DNM3: variants seen among roughly 807,000 people sequenced by gnomAD.
DNM3 encodes the protein dynamin 3, also known as dynamin-3.
Under a neutral mutation model 101.6 loss-of-function variants are expected in DNM3, and 47 were observed. That is an observed-to-expected ratio of 0.46 (90% CI 0.37 to 0.59). DNM3 has a LOEUF of 0.59. DNM3 is among the 20% of genes least tolerant of loss of function. The probability of loss-of-function intolerance (pLI) is 0.00; values close to 1 mark genes in which losing one functional copy is unlikely to be tolerated. For missense variants in DNM3, 849 were observed against 1,085.7 expected (o/e 0.78, Z 3.06); for synonymous variants, 385 against 387.9 (o/e 0.99, Z 0.09).
intron 14 of DNM3, chr1:172,144,699 C>T: frequency 2.0e-6 from 1 of 490,502 alleles, no homozygotes; most frequent in East Asian, 5.7e-5. Flanking sequence ...CTTCCTGCAC[C>T]AGGGGTTGCA....
chr1:171,882,343 CAAA>C (rs3051601), intron 1 of DNM3, among the ~76,000 whole-genome samples: 1 of 110,506 alleles, frequency 9.0e-6, no homozygotes, highest in Non-Finnish European at 1.8e-5. Flanking sequence ...AACTCCGTCT[CAAA>C]AAAAAAAAAA....
intron 14 of DNM3, among the ~76,000 whole-genome samples, chr1:172,211,474 C>G (rs754034545): frequency 2.6e-5 from 4 of 152,110 alleles, no homozygotes; most frequent in Admixed American, 1.3e-4. Context: ...GCGTGAACTT[C>G]TTAATGCATT....
chr1:171,943,263 A>G (rs12095081), intron 2 of DNM3, among the ~76,000 whole-genome samples: 26,857 of 152,116 alleles, frequency 0.18, 3,396 homozygotes, highest in African/African-American at 0.34. Context: ...CAAAAATAAA[A>G]TTCTAAGCCC....
At chr1:171,882,893 T>G (rs921266877) in intron 1 of DNM3, among the ~76,000 whole-genome samples, 2 of 152,068 alleles carry the variant, frequency 1.3e-5, no homozygotes, top group Non-Finnish European at 2.9e-5. Context: ...CCAAGGATAC[T>G]TCTGACATTT....
chr1:172,176,927 A>G (rs906971454), intron 14 of DNM3, among the ~76,000 whole-genome samples: 3 of 151,800 alleles, frequency 2.0e-5, no homozygotes, highest in Non-Finnish European at 2.9e-5. Flanking sequence ...GTAAATTTAG[A>G]TAATAATATT....
rs567422668 is a variant in DNM3, at chr1:172,232,844, G to C, written c.1660-20729G>C. On this transcript the variant is annotated intron_variant, in intron 14 of 20. Transcript: ENST00000627582. ...AAAGATGTTCTTTGAAACCAACGAG[G>C]ACAAAGGCACAACATACCAGAATCT... Among the ~76,000 whole-genome samples the C allele has an allele frequency of 3.4e-4, 51 of 152,238 alleles. 1 individual carries two copies. The highest frequency in any genetic ancestry group is 1.1e-3 in the African/African-American group (47 of 41,554).
At chr1:172,136,329 C>A (rs1228491201) in intron 14 of DNM3, among the ~76,000 whole-genome samples, 1 of 152,108 alleles carries the variant, frequency 6.6e-6, no homozygotes, top group Non-Finnish European at 1.5e-5. Flanking sequence ...GTTGTGAGAT[C>A]AAGAAGTTAT....
intron 1 of DNM3, among the ~76,000 whole-genome samples, chr1:171,870,448 CAAA>C (rs1047808510): frequency 6.6e-6 from 1 of 151,252 alleles, no homozygotes; most frequent in Admixed American, 6.6e-5. Context: ...ATCTCAAAAA[CAAA>C]AAAACAAACA....
intron 15 of DNM3, among the ~76,000 whole-genome samples, chr1:172,295,905 G>A (rs1254146049): frequency 1.4e-4 from 22 of 152,070 alleles, no homozygotes; most frequent in Non-Finnish European, 2.4e-4. Flanking sequence ...TCAGGCAAAT[G>A]CAAAGAATAA....
intron 2 of DNM3, among the ~76,000 whole-genome samples, chr1:171,975,580 G>A (rs371156851): frequency 1.1e-4 from 16 of 152,296 alleles, no homozygotes; most frequent in Middle Eastern, 3.4e-3. Flanking sequence ...CAAGCATCAT[G>A]GGAACATACT....
chr1:172,078,228 G>C (rs556315315), intron 11 of DNM3, among the ~76,000 whole-genome samples: 1 of 152,200 alleles, frequency 6.6e-6, no homozygotes, highest in African/African-American at 2.4e-5. Flanking sequence ...GGGTAGCTGG[G>C]ATTACAGGCA....
intron 11 of DNM3, among the ~76,000 whole-genome samples, chr1:172,071,594 G>A (rs1029789963): frequency 6.6e-6 from 1 of 151,024 alleles, no homozygotes; most frequent in Non-Finnish European, 1.5e-5. Flanking sequence ...TTAAAAAGTA[G>A]AGTTACTACC....
chr1:172,105,428 A>T (rs1197975724), intron 13 of DNM3, among the ~76,000 whole-genome samples: 1 of 152,244 alleles, frequency 6.6e-6, no homozygotes, highest in Non-Finnish European at 1.5e-5. Flanking sequence ...GTGAAGGATG[A>T]ACTCTTAACC....
intron 17 of DNM3, among the ~76,000 whole-genome samples, chr1:172,349,233 A>G (rs181722683): frequency 6.6e-6 from 1 of 152,312 alleles, no homozygotes; most frequent in African/African-American, 2.4e-5. Flanking sequence ...CCTTGCTATT[A>G]CACTTACTCG....
intron 14 of DNM3, among the ~76,000 whole-genome samples, chr1:172,251,191 C>T (rs4916246): frequency 0.99 from 150,586 of 152,194 alleles, 74,505 homozygotes; most frequent in Middle Eastern, 1. Context: ...ATTTAGCACA[C>T]TTCTTGATTA....
chr1:172,306,833 T>C (rs918582923), intron 15 of DNM3, among the ~76,000 whole-genome samples: 1 of 152,112 alleles, frequency 6.6e-6, no homozygotes, highest in East Asian at 1.9e-4. Flanking sequence ...TATGTAGAAA[T>C]CTGAAACTGG....
At chr1:172,023,719 T>G (rs924126847) in intron 4 of DNM3, among the ~76,000 whole-genome samples, 1 of 152,130 alleles carries the variant, frequency 6.6e-6, no homozygotes, top group Non-Finnish European at 1.5e-5. Flanking sequence ...TATCTTTTAC[T>G]TATAGGACAT....
At chr1:172,348,817 G>C (rs964695508) in intron 17 of DNM3, among the ~76,000 whole-genome samples, 1 of 152,150 alleles carries the variant, frequency 6.6e-6, no homozygotes, top group Non-Finnish European at 1.5e-5. Context: ...TTCTGAGCTA[G>C]AGTTCTTATT....
At chr1:172,299,203 G>C (rs1001178951) in intron 15 of DNM3, among the ~76,000 whole-genome samples, 1 of 152,192 alleles carries the variant, frequency 6.6e-6, no homozygotes, top group Non-Finnish European at 1.5e-5. Context: ...AGAAGTCCAA[G>C]GTGGCTGGCA....
Sources: gnomAD v4.1 joint callset for allele counts (sites outside exome capture counted in the v4.1 genomes callset) on GRCh38, gnomAD v4.1.1 for gene constraint, MANE v1.5 for transcripts, NCBI Gene and HGNC (gene_info 2026-07-23, HGNC 2026-07-21) for gene names.